ST6GALNAC3: variants seen among roughly 807,000 people sequenced by gnomAD.
The protein encoded by ST6GALNAC3 is alpha-N-acetylgalactosaminide alpha-2,6-sialyltransferase 3.
Under a neutral mutation model 32.7 loss-of-function variants are expected in ST6GALNAC3, and 25 were observed. That is an observed-to-expected ratio of 0.76 (90% CI 0.56 to 1.07). The LOEUF (loss-of-function observed/expected upper bound fraction) is 1.07. Ranked by LOEUF, ST6GALNAC3 falls within the 50% of genes least tolerant of loss-of-function variation. ST6GALNAC3 has a pLI of 0.00. For missense variants in ST6GALNAC3, 355 were observed against 382.4 expected (o/e 0.93, Z 0.60); for synonymous variants, 129 against 133.1 (o/e 0.97, Z 0.21).
chr1:76,251,151 T>C (rs1218086872), intron 1 of ST6GALNAC3, among the ~76,000 whole-genome samples: 3 of 152,152 alleles, frequency 2.0e-5, no homozygotes, highest in African/African-American at 7.2e-5. Context: ...TGATCATGGC[T>C]AAACAACTAC....
intron 1 of ST6GALNAC3, among the ~76,000 whole-genome samples, chr1:76,251,321 C>T (rs72675947): frequency 0.053 from 8,056 of 152,220 alleles, 221 homozygotes; most frequent in Non-Finnish European, 0.064. Flanking sequence ...CCTTTGTCTA[C>T]ATTTTGGCTA....
intron 3 of ST6GALNAC3, among the ~76,000 whole-genome samples, chr1:76,621,725 A>G (rs1375678911): frequency 6.6e-6 from 1 of 152,046 alleles, no homozygotes; most frequent in Non-Finnish European, 1.5e-5. Flanking sequence ...CTTTGTTTAA[A>G]TGTATTCTTT....
rs1229603370 is a variant in ST6GALNAC3, at chr1:76,140,626, TTTC to T, written c.18+65745_18+65747del. On this transcript the variant is annotated intron_variant, in intron 1 of 4. Coordinates refer to ENST00000328299, the MANE Select transcript of ST6GALNAC3 (RefSeq NM_152996.4). ...GCTCTTTCTTTCTTTCTTTTCTTTCTTTCTTTTTTTTTTTTTTTGACAGGTTCT... is the reference window on the plus strand; with the variant it reads ...GCTCTTTCTTTCTTTCTTTTCTTTCTTTTTTTTTTTTTTTTGACAGGTTCT... Among the ~76,000 whole-genome samples the T allele has an allele frequency of 2.0e-4, 15 of 75,624 alleles. No individual in the cohort carries two copies. In the South Asian group the frequency reaches 4.8e-3, roughly 24 times the overall value. The allele number at this position is 75,624 out of a possible 152,430, so 49.6% of individuals were successfully genotyped here. A position where few individuals can be genotyped will look rare whatever the true frequency, so the allele number is the denominator to read the frequency against.
intron 3 of ST6GALNAC3, among the ~76,000 whole-genome samples, chr1:76,491,019 C>T (rs531155351): frequency 4.6e-5 from 7 of 151,790 alleles, no homozygotes; most frequent in Admixed American, 2.0e-4. Context: ...CCACCACGCC[C>T]GGCTAATTTT....
chr1:76,612,545 A>T lies in ST6GALNAC3; in HGVS notation c.624-14907A>T, dbSNP rs532280281. 7.0e-4 allele frequency among the ~76,000 whole-genome samples: 106 copies of T among 152,258 alleles called. 1 individual carries two copies. The South Asian group carries it at 0.022, about 31-fold the overall frequency. ...AGGACCTGGAGCCATTCACTCTCTA[A>T]CATATTCTTTGGCTGTATTAATATG... On this transcript the variant is annotated intron_variant, in intron 3 of 4. Transcript: ENST00000328299.
intron 1 of ST6GALNAC3, among the ~76,000 whole-genome samples, chr1:76,190,185 A>T (rs566680373): frequency 6.6e-6 from 1 of 152,274 alleles, no homozygotes; most frequent in South Asian, 2.1e-4. Context: ...GTGTTCTATC[A>T]TAGGTTGATA....
At chr1:76,215,603 G>A (rs1557702538) in intron 1 of ST6GALNAC3, among the ~76,000 whole-genome samples, 1 of 152,184 alleles carries the variant, frequency 6.6e-6, no homozygotes, top group African/African-American at 2.4e-5. Flanking sequence ...TTACTTGCAT[G>A]GAAAAATGCA....
At position 76,337,357 on chromosome 1, in the gene ST6GALNAC3, C is replaced by A. The variant is rs142242802; in HGVS notation, c.213+23358C>A. Among the ~76,000 whole-genome samples the A allele has an allele frequency of 5.5e-4, 83 of 152,276 alleles. 2 individuals are homozygous for A. The East Asian group carries it at 8.5e-3, about 16-fold the overall frequency. ...TGTGCGAGCTAGCAAACCGCGGAAG[C>A]TACTGTAAGATTAGAGTGGCACAGA... is the stretch of plus-strand genomic sequence containing the variant. On this transcript the variant is annotated intron_variant, in intron 2 of 4. Coordinates refer to ENST00000328299, the MANE Select transcript of ST6GALNAC3 (RefSeq NM_152996.4).
At chr1:76,432,395 A>G (rs1374219864) in intron 3 of ST6GALNAC3, among the ~76,000 whole-genome samples, 1 of 148,466 alleles carries the variant, frequency 6.7e-6, no homozygotes. Context: ...TTTATGTTAT[A>G]CGCTGAAAAA....
At chr1:76,603,149 C>G (rs902492707) in intron 3 of ST6GALNAC3, among the ~76,000 whole-genome samples, 2 of 152,168 alleles carry the variant, frequency 1.3e-5, no homozygotes, top group African/African-American at 4.8e-5. Context: ...AAATTGGTCC[C>G]AATCCCTTGG....
chr1:76,119,723 C>A (rs1031485097), intron 1 of ST6GALNAC3, among the ~76,000 whole-genome samples: 24 of 151,142 alleles, frequency 1.6e-4, no homozygotes, highest in Non-Finnish European at 2.9e-4. Context: ...TTAAGTCTTC[C>A]AGTTATTGAG....
At chr1:76,330,816 T>C (rs762333888) in intron 2 of ST6GALNAC3, among the ~76,000 whole-genome samples, 3 of 152,176 alleles carry the variant, frequency 2.0e-5, no homozygotes, top group Non-Finnish European at 4.4e-5. Flanking sequence ...GGTGTCTTAG[T>C]CAGTGAAAAT....
intron 2 of ST6GALNAC3, among the ~76,000 whole-genome samples, chr1:76,346,868 A>G (rs1648561326): frequency 6.6e-6 from 1 of 152,238 alleles, no homozygotes; most frequent in Non-Finnish European, 1.5e-5. Context: ...TAAATATTCA[A>G]TAAACACTAA....
At chr1:76,568,510 T>C (rs1665684086) in intron 3 of ST6GALNAC3, among the ~76,000 whole-genome samples, 1 of 152,196 alleles carries the variant, frequency 6.6e-6, no homozygotes, top group Admixed American at 6.5e-5. Flanking sequence ...ATAAACCCTG[T>C]GTAGTCGAAT....
At chr1:76,255,882 G>A (rs1275221130) in intron 1 of ST6GALNAC3, among the ~76,000 whole-genome samples, 3 of 152,018 alleles carry the variant, frequency 2.0e-5, no homozygotes, top group East Asian at 3.9e-4. Flanking sequence ...AAAAGTAGGG[G>A]TATAAGAAAA....
At chr1:76,429,458 A>G (rs542106758) in intron 3 of ST6GALNAC3, among the ~76,000 whole-genome samples, 2 of 152,302 alleles carry the variant, frequency 1.3e-5, no homozygotes, top group East Asian at 3.9e-4. Context: ...TCATAATATC[A>G]AGAAGAATTC....
chr1:76,495,910 T>C (rs963074957), intron 3 of ST6GALNAC3, among the ~76,000 whole-genome samples: 1 of 152,074 alleles, frequency 6.6e-6, no homozygotes, highest in African/African-American at 2.4e-5. Flanking sequence ...TCCAATTGAG[T>C]TTTGAGTTTA....
chr1:76,193,911 C>A, intron 1 of ST6GALNAC3, among the ~76,000 whole-genome samples: 1 of 152,098 alleles, frequency 6.6e-6, no homozygotes, highest in Non-Finnish European at 1.5e-5. Context: ...TTACAAGAAC[C>A]TTAATCTTAT....
chr1:76,222,873 A>C (rs1655856737), intron 1 of ST6GALNAC3, among the ~76,000 whole-genome samples: 1 of 152,120 alleles, frequency 6.6e-6, no homozygotes. Flanking sequence ...ACCAGTCACA[A>C]TGGCTATTAC....
Sources: allele counts gnomAD v4.1 joint callset (sites outside exome capture counted in the v4.1 genomes callset), GRCh38; gene constraint gnomAD v4.1.1; transcripts MANE v1.5; gene names NCBI Gene and HGNC (gene_info 2026-07-23, HGNC 2026-07-21).